The following TECPR2 variants were observed in gnomAD, a reference collection of about 807,000 sequenced individuals.
TECPR2 encodes the protein tectonin beta-propeller repeat containing 2.
Under a neutral mutation model 138.1 loss-of-function variants are expected in TECPR2, and 65 were observed. That is an observed-to-expected ratio of 0.47 (90% CI 0.39 to 0.58). TECPR2 has a LOEUF of 0.58. Ranked by LOEUF, TECPR2 falls within the 20% of genes least tolerant of loss-of-function variation. The probability of loss-of-function intolerance (pLI) is 0.00; values close to 1 mark genes in which losing one functional copy is unlikely to be tolerated. For synonymous variants in TECPR2, 746 were observed against 749.8 expected (o/e 0.99, Z 0.08); for missense variants, 1,553 against 1,824.5 (o/e 0.85, Z 2.71).
Position 102,467,503 on chromosome 14 carries a change from T to A in TECPR2, c.3789+2214T>A, listed in dbSNP as rs144719045. On this transcript the variant is annotated intron_variant, in intron 17 of 19. Transcript: ENST00000359520. ...CCATGCCCAGGTGATTTTTGTATTT[T>A]TAGGAGAGACGGGGTTTCACCATAT... is the stretch of plus-strand genomic sequence containing the variant. Among the ~76,000 whole-genome samples the A allele has an allele frequency of 3.4e-3, 519 of 152,092 alleles. 5 individuals carry two copies. Among genetic ancestry groups the A allele is most frequent in the African/African-American group, 0.012 (488 of 41,482 alleles).
chr14:102,422,612 A>T (rs1023857172), intron 5 of TECPR2, among the ~76,000 whole-genome samples: 1 of 152,270 alleles, frequency 6.6e-6, no homozygotes, highest in Non-Finnish European at 1.5e-5. Context: ...GATAAACAAT[A>T]CTAAATTATA....
At chr14:102,497,421 C>T (rs1402037854) in intron 18 of TECPR2, 149 bp from the exon 19 acceptor site, 35 of 1,176,608 alleles carry the variant, frequency 3.0e-5, no homozygotes, top group Non-Finnish European at 3.6e-5. Flanking sequence ...TCCTTTCCCT[C>T]GGCTCCTGCC....
At chr14:102,384,685 ATAT>A (rs778082858) in intron 2 of TECPR2, among the ~76,000 whole-genome samples, 2 of 134,744 alleles carry the variant, frequency 1.5e-5, no homozygotes, top group Non-Finnish European at 3.3e-5. Flanking sequence ...TCAAAAAAAA[ATAT>A]ATATATATAT....
chr14:102,417,925 CCAGGGGAGCCGCAGGGAGG>C (rs1216213704), intron 5 of TECPR2, among the ~76,000 whole-genome samples: 2 of 150,114 alleles, frequency 1.3e-5, no homozygotes, highest in East Asian at 2.0e-4. Flanking sequence ...CTGCAGGAGT[CCAGGGGAGCCGCAGGGAGG>C]CAGGGGAGCC....
intron 4 of TECPR2, among the ~76,000 whole-genome samples, chr14:102,413,355 A>G (rs1314960355): frequency 1.3e-5 from 2 of 149,334 alleles, no homozygotes; most frequent in African/African-American, 2.4e-5. Context: ...TGAAATATAC[A>G]TATATTTCAT....
rs1183056916 is a variant in TECPR2 at position 102,401,010 on chromosome 14, G to T, written c.220-6328G>T. ...GTCACACCATTGCACTCCAGCCTGG[G>T]CAACAGAGTGAGACTCGTCGCAAAA... On this transcript the variant is annotated intron_variant, in intron 2 of 19. Coordinates refer to ENST00000359520, the MANE Select transcript of TECPR2 (RefSeq NM_014844.5). Among the ~76,000 whole-genome samples the T allele has an allele frequency of 2.0e-5, 3 of 152,014 alleles. No individual in the cohort carries two copies. In the East Asian group the frequency reaches 5.8e-4, roughly 29 times the overall value.
At chr14:102,488,172 A>G (rs1179828399) in intron 17 of TECPR2, among the ~76,000 whole-genome samples, 2 of 151,564 alleles carry the variant, frequency 1.3e-5, no homozygotes, top group African/African-American at 4.9e-5. Context: ...AGTTTTTAAT[A>G]TGAATAAGCC....
At chr14:102,490,287 T>C (rs1891125843) in intron 17 of TECPR2, among the ~76,000 whole-genome samples, 2 of 152,188 alleles carry the variant, frequency 1.3e-5, no homozygotes, top group African/African-American at 4.8e-5. Flanking sequence ...GGTCCAGTGA[T>C]TATCATTGTT....
intron 12 of TECPR2, among the ~76,000 whole-genome samples, chr14:102,445,016 G>A (rs886593319): frequency 6.6e-6 from 1 of 152,250 alleles, no homozygotes; most frequent in Non-Finnish European, 1.5e-5. Flanking sequence ...GGTGCGCCAA[G>A]AGGGCTGAGA....
chr14:102,368,017 T>C (rs1291260274), intron 1 of TECPR2, among the ~76,000 whole-genome samples: 4 of 130,024 alleles, frequency 3.1e-5, no homozygotes, highest in African/African-American at 1.2e-4. Flanking sequence ...TTTTTTTTTT[T>C]TTTTTTTGGA....
intron 2 of TECPR2, among the ~76,000 whole-genome samples, chr14:102,394,059 C>G (rs1453186411): frequency 6.6e-6 from 1 of 152,168 alleles, no homozygotes; most frequent in Non-Finnish European, 1.5e-5. Flanking sequence ...AAACATATTA[C>G]ATCACATTTT....
rs1889726711 is a variant in TECPR2, at chr14:102,438,165, G to A, written c.2538G>A (p.Lys846=). 1 of 1,612,586 alleles carries A rather than the reference G, an allele frequency of 6.2e-7. No individual in the cohort carries two copies. Among genetic ancestry groups the A allele is most frequent in the Middle Eastern group, 1.7e-4 (1 of 6,028 alleles). The change falls in exon 10 of 20, where the codon AAG becomes AAA. Residue 846 remains lysine, a synonymous_variant. Transcript: ENST00000359520. ...CGGGCGCCGGGCTGCGCTGGCAGAA[G>A]TTTGAAGATGCTGTCCAGCAGGTGG... ...ALPGAGLRWQ[K]FEDAVQQVAV...
chr14:102,486,992 C>T (rs1247073062), intron 17 of TECPR2, among the ~76,000 whole-genome samples: 3 of 152,196 alleles, frequency 2.0e-5, no homozygotes, highest in African/African-American at 7.2e-5. Context: ...CCAACCAACC[C>T]ACACGCCTCA....
intron 16 of TECPR2, among the ~76,000 whole-genome samples, chr14:102,459,157 C>G (rs554958472): frequency 6.6e-6 from 1 of 152,142 alleles, no homozygotes; most frequent in East Asian, 1.9e-4. Flanking sequence ...TCTCAAACTC[C>G]TGGGCTCCAG....
intron 2 of TECPR2, among the ~76,000 whole-genome samples, chr14:102,390,643 C>G (rs1888144121): frequency 6.6e-6 from 1 of 152,092 alleles, no homozygotes; most frequent in Admixed American, 6.6e-5. Context: ...TGTGATCCCG[C>G]TGGTGTGGCT....
At chr14:102,482,255 C>T (rs1355984857) in intron 17 of TECPR2, among the ~76,000 whole-genome samples, 1 of 152,090 alleles carries the variant, frequency 6.6e-6, no homozygotes, top group African/African-American at 2.4e-5. Flanking sequence ...AGGGTTTCAC[C>T]ACATTGGCCA....
rs76282259 is a variant in TECPR2, at chr14:102,389,795, A to G, written c.219+12855A>G. 3.3e-5 allele frequency among the ~76,000 whole-genome samples: 5 copies of G among 152,286 alleles called. No individual in the cohort carries two copies. In the East Asian group the frequency reaches 7.7e-4, roughly 23 times the overall value. ...TTTCTGCTTTAGATCTTCTCTAATG[A>G]TAGAGTCCCTGGCTTTAGGCTTCTT... On this transcript the variant is annotated intron_variant, in intron 2 of 19. Coordinates refer to ENST00000359520, the MANE Select transcript of TECPR2 (RefSeq NM_014844.5).
At chr14:102,370,844 G>C (rs1186879585) in intron 1 of TECPR2, among the ~76,000 whole-genome samples, 1 of 152,186 alleles carries the variant, frequency 6.6e-6, no homozygotes, top group Non-Finnish European at 1.5e-5. Context: ...GAGGTGTGTG[G>C]GAGATGTACT....
chr14:102,465,554 T>C, intron 17 of TECPR2: 1 of 1,165,566 alleles, frequency 8.6e-7, no homozygotes, highest in African/African-American at 1.6e-5. Flanking sequence ...CGTTTTTGAC[T>C]TTTTACTAAG....
Sources: gnomAD v4.1 joint callset for allele counts (sites outside exome capture counted in the v4.1 genomes callset) on GRCh38, gnomAD v4.1.1 for gene constraint, MANE v1.5 for transcripts, NCBI Gene and HGNC (gene_info 2026-07-23, HGNC 2026-07-21) for gene names.